Variants in ZNF608 observed in about 807,000 individuals in gnomAD.
ZNF608 encodes zinc finger protein 608, also known as renal carcinoma antigen NY-REN-36.
Under a neutral mutation model 109.0 loss-of-function variants are expected in ZNF608, and 12 were observed. The ratio of observed to expected loss-of-function variants is 0.11; its 90% CI spans 0.07 to 0.18. The LOEUF (loss-of-function observed/expected upper bound fraction) is 0.18, where lower values mean the gene tolerates loss of function less well. Among genes scored for constraint, ZNF608 ranks in the 10% least tolerant of loss-of-function variants. The pLI, the probability that ZNF608 is intolerant of heterozygous loss-of-function variation, is 1.00. For missense variants in ZNF608, 1,707 were observed against 1,879.3 expected (o/e 0.91, Z 1.70); for synonymous variants, 732 against 717.4 (o/e 1.02, Z -0.33).
At chr5:124,739,236 G>C (rs990375485) in intron 2 of ZNF608, among the ~76,000 whole-genome samples, 1 of 152,092 alleles carries the variant, frequency 6.6e-6, no homozygotes, top group Non-Finnish European at 1.5e-5. Context: ...AACAAAGGCC[G>C]GATAATGTTT....
chr5:124,735,760 A>C (rs1249634183), intron 2 of ZNF608, among the ~76,000 whole-genome samples: 1 of 152,242 alleles, frequency 6.6e-6, no homozygotes, highest in Non-Finnish European at 1.5e-5. Flanking sequence ...ACAATTGACC[A>C]AATGGAGTTG....
At chr5:124,742,176 G>C (rs2149905731) in intron 2 of ZNF608, among the ~76,000 whole-genome samples, 1 of 152,228 alleles carries the variant, frequency 6.6e-6, no homozygotes, top group South Asian at 2.1e-4. Flanking sequence ...TTTCCTCTGT[G>C]ACTGGAAAGT....
chr5:124,671,084 T>C (rs1457744568), intron 3 of ZNF608, among the ~76,000 whole-genome samples: 3 of 152,170 alleles, frequency 2.0e-5, no homozygotes, highest in Non-Finnish European at 4.4e-5. Flanking sequence ...CACACTATAT[T>C]TTCCCAGCTG....
intron 3 of ZNF608, among the ~76,000 whole-genome samples, chr5:124,696,071 CTA>C: frequency 6.6e-6 from 1 of 152,054 alleles, no homozygotes; most frequent in Admixed American, 6.5e-5. Flanking sequence ...GTAATCCCAG[CTA>C]CTCAGGAGGC....
At chr5:124,658,720 CTT>C (rs1414840478) in intron 3 of ZNF608, among the ~76,000 whole-genome samples, 1 of 152,164 alleles carries the variant, frequency 6.6e-6, no homozygotes. Context: ...TCCTCCCTCT[CTT>C]TGTGGGAAGA....
chr5:124,686,325 C>T (rs1213164387), intron 3 of ZNF608, among the ~76,000 whole-genome samples: 1 of 152,200 alleles, frequency 6.6e-6, no homozygotes, highest in Admixed American at 6.5e-5. Context: ...ACAAGTTCAA[C>T]ATGGTGCTAC....
Position 124,648,996 on chromosome 5 carries a change from C to T in ZNF608, c.1388G>A (p.Gly463Glu), listed in dbSNP as rs149952656. The change falls in exon 5 of 10, where the codon GGG becomes GAG. Residue 463 changes from glycine (G) to glutamate (E), a missense_variant. Transcript: ENST00000513986. ...CCGCCTCCCTTTCCCATTGGCCCCC[C>T]CTCTGTTCTTATTCTGCAGCCCTCT... The part of the protein sequence containing the change: ...ESRGLQNKNR[G>E]GANGKGRRGS... The T allele has an allele frequency of 4.3e-6, 7 of 1,614,064 alleles. No individual in the cohort carries two copies. Among genetic ancestry groups the T allele is most frequent in the South Asian group, 2.2e-5 (2 of 91,084 alleles).
At position 124,647,846 on chromosome 5, in the gene ZNF608, G is replaced by T; in HGVS notation, c.2538C>A (p.Ser846Arg). Residue 846 changes from serine to arginine, a missense_variant, in exon 5 of 10, where the codon AGC (serine) becomes AGA (arginine). By Grantham distance (110) the Ser-to-Arg change is moderately radical. Coordinates refer to ENST00000513986, the MANE Select transcript of ZNF608 (RefSeq NM_020747.3). ...LGKLEDSKGA[S>R]KDLPGHFLKD... Reference sequence around the variant, plus strand: ...TTAAAAAATGCCCAGGTAAATCTTTGCTGGCCCCCTTGGAGTCCTCTAGTT... The same window carrying T: ...TTAAAAAATGCCCAGGTAAATCTTTTCTGGCCCCCTTGGAGTCCTCTAGTT... 2 of 1,614,172 alleles carry T rather than the reference G, an allele frequency of 1.2e-6. No individual in the cohort carries two copies. The highest frequency in any genetic ancestry group is 1.7e-6 in the Non-Finnish European group (2 of 1,180,028).
At chr5:124,644,909 G>A (rs1750428506) in intron 5 of ZNF608, among the ~76,000 whole-genome samples, 1 of 152,132 alleles carries the variant, frequency 6.6e-6, no homozygotes, top group Admixed American at 6.6e-5. Flanking sequence ...TAAAGTTCAG[G>A]CAACATCAAG....
At chr5:124,710,786 T>C (rs1160578049) in intron 2 of ZNF608, 1 of 153,112 alleles carries the variant, frequency 6.5e-6, no homozygotes, top group African/African-American at 2.4e-5. Context: ...AAGCTCTCCA[T>C]ACTTTATCAC....
chr5:124,663,054 T>C (rs1751339641), intron 3 of ZNF608, among the ~76,000 whole-genome samples: 1 of 152,250 alleles, frequency 6.6e-6, no homozygotes, highest in African/African-American at 2.4e-5. Context: ...TATTATTTCC[T>C]TCTGATGTCC....
At chr5:124,643,844 A>G (rs901767034) in intron 6 of ZNF608, among the ~76,000 whole-genome samples, 161 bp from the exon 7 acceptor site, 1 of 152,166 alleles carries the variant, frequency 6.6e-6, no homozygotes, top group East Asian at 1.9e-4. Flanking sequence ...AGCTTCTCCA[A>G]TTTTCTTCTC....
chr5:124,680,041 G>T (rs369724077), intron 3 of ZNF608, among the ~76,000 whole-genome samples: 2 of 152,134 alleles, frequency 1.3e-5, no homozygotes, highest in East Asian at 3.8e-4. Flanking sequence ...AAGGGAGGGA[G>T]GTAGGGCTGG....
chr5:124,670,951 T>TG (rs1751690299), intron 3 of ZNF608, among the ~76,000 whole-genome samples: 2 of 152,336 alleles, frequency 1.3e-5, no homozygotes, highest in South Asian at 4.1e-4. Flanking sequence ...TTGGTAACCA[T>TG]AGTTTCTGTA....
At chr5:124,713,002 T>C (rs907795329) in intron 2 of ZNF608, among the ~76,000 whole-genome samples, 1 of 152,156 alleles carries the variant, frequency 6.6e-6, no homozygotes, top group Non-Finnish European at 1.5e-5. Flanking sequence ...TTCAGGAAGC[T>C]AAATAACAAA....
chr5:124,647,437 T>C lies in ZNF608; in HGVS notation c.2947A>G (p.Thr983Ala). The C allele has an allele frequency of 1.2e-6, 2 of 1,614,220 alleles. No individual in the cohort carries two copies. The highest frequency in any genetic ancestry group is 1.7e-6 in the Non-Finnish European group (2 of 1,180,044). ...DSVVKGHSST[T>A]AQSSQLKESH... ...TCTTTCAGTTGAGATGATTGTGCTGTAGTTGAAGAATGCCCTTTTACAACA... is the reference window on the plus strand; with the variant it reads ...TCTTTCAGTTGAGATGATTGTGCTGCAGTTGAAGAATGCCCTTTTACAACA... Residue 983 changes from threonine to alanine, a missense_variant, in exon 5 of 10, where the codon ACA becomes GCA. Thr to Ala is a moderately conservative substitution (Grantham distance 58). Coordinates refer to ENST00000513986, the MANE Select transcript of ZNF608 (RefSeq NM_020747.3).
intron 3 of ZNF608, among the ~76,000 whole-genome samples, chr5:124,670,432 A>C (rs77211268): frequency 0.038 from 5,712 of 151,412 alleles, 156 homozygotes; most frequent in Non-Finnish European, 0.055. Context: ...AATGTGTGCT[A>C]TTTTACCAGA....
In ZNF608 at chr5:124,648,562, C is replaced by T. The variant is rs1561535375; in HGVS notation, c.1822G>A (p.Glu608Lys). The T allele has an allele frequency of 6.2e-7, 1 of 1,614,248 alleles. No homozygotes were observed. Among genetic ancestry groups the T allele is most frequent in the East Asian group, 2.2e-5 (1 of 44,888 alleles). ...CEEGLSNVAL[E>K]CSEPSTSVSA... ...ACACTTGTGCTTGGCTCACTGCATT[C>T]AAGTGCCACATTACTCAATCCTTCC... Residue 608 changes from glutamate (E) to lysine (K), a missense_variant, in exon 5 of 10, where the codon GAA (glutamate) becomes AAA (lysine). By Grantham distance (56) the Glu-to-Lys change is moderately conservative. Transcript: ENST00000513986.
chr5:124,680,132 G>C (rs1453402201), intron 3 of ZNF608, among the ~76,000 whole-genome samples: 1 of 151,634 alleles, frequency 6.6e-6, no homozygotes, highest in East Asian at 1.9e-4. Flanking sequence ...CATCGCTGAA[G>C]CCACATTTGA....
Sources: gnomAD v4.1 joint callset for allele counts (sites outside exome capture counted in the v4.1 genomes callset) on GRCh38, gnomAD v4.1.1 for gene constraint, MANE v1.5 for transcripts, NCBI Gene and HGNC (gene_info 2026-07-23, HGNC 2026-07-21) for gene names.